The following KSR1 variants were observed in gnomAD, a reference collection of about 807,000 sequenced individuals.
KSR1 encodes the protein kinase suppressor of ras.
KSR1 carries 35 observed loss-of-function variants against 92.9 expected under a neutral mutation model. The ratio of observed to expected loss-of-function variants is 0.38; its 90% CI spans 0.29 to 0.50. KSR1 has a LOEUF of 0.50. KSR1 is among the 20% of genes least tolerant of loss of function. The probability of loss-of-function intolerance (pLI) is 0.94; values close to 1 mark genes in which losing one functional copy is unlikely to be tolerated. For synonymous variants in KSR1, 467 were observed against 472.6 expected, an observed-to-expected ratio of 0.99 and a Z score of 0.15; for missense variants, 972 against 1,158.5, an observed-to-expected ratio of 0.84 and a Z score of 2.34.
At chr17:27,568,199 C>T (rs1489934696) in intron 2 of KSR1, among the ~76,000 whole-genome samples, 1 of 152,176 alleles carries the variant, frequency 6.6e-6, no homozygotes, top group Non-Finnish European at 1.5e-5. Flanking sequence ...GGGGCAGCTC[C>T]AAAACCCGAC....
intron 1 of KSR1, among the ~76,000 whole-genome samples, chr17:27,542,062 G>A (rs910109769): frequency 3.9e-5 from 6 of 152,204 alleles, no homozygotes; most frequent in Non-Finnish European, 7.3e-5. Flanking sequence ...TTTGTGGAGG[G>A]AATGATGTGC....
chr17:27,511,232 G>T (rs1431518366), intron 1 of KSR1, among the ~76,000 whole-genome samples: 1 of 152,230 alleles, frequency 6.6e-6, no homozygotes, highest in Non-Finnish European at 1.5e-5. Flanking sequence ...GGGGACGCCT[G>T]GCTGGGGCTG....
chr17:27,602,091 G>C, intron 11 of KSR1: 1 of 639,484 alleles, frequency 1.6e-6, no homozygotes, highest in Non-Finnish European at 2.8e-6. Context: ...GAGCATAATG[G>C]TGTTTAAAAC....
chr17:27,552,817 G>A (rs936821503), intron 2 of KSR1, among the ~76,000 whole-genome samples: 4 of 152,218 alleles, frequency 2.6e-5, no homozygotes, highest in Non-Finnish European at 5.9e-5. Context: ...GGGTCCTGGG[G>A]CCCCTGAGAG....
intron 9 of KSR1, among the ~76,000 whole-genome samples, chr17:27,596,614 C>T (rs773383577): frequency 2.6e-5 from 4 of 152,120 alleles, no homozygotes; most frequent in Non-Finnish European, 4.4e-5. Context: ...AATGGCAGAC[C>T]GCACTAGCCC....
chr17:27,588,292 C>G (rs2073042108), intron 5 of KSR1, 183 bp from the exon 6 acceptor site: 1 of 436,794 alleles, frequency 2.3e-6, no homozygotes, highest in Admixed American at 4.2e-5. Context: ...GCGAGGGGAA[C>G]CACACCATGC....
chr17:27,492,147 G>A lies in KSR1; in HGVS notation c.231+35273G>A, dbSNP rs139521935. On this transcript the variant is annotated intron_variant, in intron 1 of 20. Transcript: ENST00000644974. Reference sequence around the variant, plus strand: ...TGGGAGGAGGGAGGAGACGAGGAGAGTGTGTGTAGCAGATACGAGTGGGTG... The same window carrying A: ...TGGGAGGAGGGAGGAGACGAGGAGAATGTGTGTAGCAGATACGAGTGGGTG... Among the ~76,000 whole-genome samples, 17 of 152,206 alleles carry A rather than the reference G, an allele frequency of 1.1e-4. No homozygotes were observed. In the East Asian group the frequency reaches 2.9e-3, roughly 26 times the overall value.
At chr17:27,610,300 C>T in intron 17 of KSR1, 102 bp downstream of exon 17, 1 of 1,513,706 alleles carries the variant, frequency 6.6e-7, no homozygotes. Context: ...GTTGAAAACC[C>T]AGGCTCTGGA....
chr17:27,463,917 C>A (rs1479249241), intron 1 of KSR1, among the ~76,000 whole-genome samples: 2 of 152,130 alleles, frequency 1.3e-5, no homozygotes, highest in African/African-American at 2.4e-5. Context: ...CTTGGAATTT[C>A]CATGTGGTCC....
chr17:27,508,574 C>G (rs2150996281), intron 1 of KSR1, among the ~76,000 whole-genome samples: 1 of 152,214 alleles, frequency 6.6e-6, no homozygotes, highest in South Asian at 2.1e-4. Context: ...TCTCTCCAAC[C>G]CTCAGTTTCC....
At chr17:27,514,921 C>G (rs1459117805) in intron 1 of KSR1, among the ~76,000 whole-genome samples, 2 of 152,190 alleles carry the variant, frequency 1.3e-5, no homozygotes, top group Non-Finnish European at 2.9e-5. Context: ...AACTAACTTT[C>G]TGGAAGTACC....
At chr17:27,604,128 G>A (rs2073666129) in intron 12 of KSR1, among the ~76,000 whole-genome samples, 1 of 152,178 alleles carries the variant, frequency 6.6e-6, no homozygotes. Flanking sequence ...GACCCAGGCG[G>A]GTTGGATAGA....
chr17:27,550,054 A>T (rs2945389), intron 1 of KSR1, among the ~76,000 whole-genome samples: 68,082 of 151,850 alleles, frequency 0.45, 15,464 homozygotes, highest in African/African-American at 0.51. Flanking sequence ...CTTCTTTTTT[A>T]CCCGAGACAG....
At chr17:27,621,020 A>C (rs1156665257) in intron 19 of KSR1, 173 bp from the exon 20 acceptor site, 4 of 393,894 alleles carry the variant, frequency 1.0e-5, no homozygotes, top group Admixed American at 4.4e-5. Context: ...TTTTCTTTCC[A>C]TTGATCTTGT....
At chr17:27,567,141 T>G (rs2072107894) in intron 2 of KSR1, among the ~76,000 whole-genome samples, 2 of 152,210 alleles carry the variant, frequency 1.3e-5, no homozygotes, top group Non-Finnish European at 2.9e-5. Flanking sequence ...CCAATAGTTG[T>G]TATTTTTATG....
chr17:27,532,679 GA>G (rs1326018119), intron 1 of KSR1, among the ~76,000 whole-genome samples: 5 of 152,204 alleles, frequency 3.3e-5, no homozygotes, highest in Non-Finnish European at 7.3e-5. Context: ...ACTGTGCTAG[GA>G]AAGAGGTTGG....
chr17:27,456,477 G>T lies in KSR1; in HGVS notation c.-167G>T. On this transcript the variant is annotated 5_prime_UTR_variant, in exon 1 of 21. Transcript: ENST00000644974. ...CCGCGGCTTTCGCTTTGCTGCCGCG[G>T]CTGGGAGGGTGGAAGCGGCAGACTC... The T allele has an allele frequency of 2.6e-6, 1 of 388,586 alleles. No individual in the cohort carries two copies. Among genetic ancestry groups the T allele is most frequent in the East Asian group, 3.9e-5 (1 of 25,614 alleles). 24.1% of individuals were successfully genotyped at this position (388,586 alleles called of 1,614,324 possible).
Position 27,509,258 on chromosome 17 carries a change from C to G in KSR1, c.232-41310C>G, listed in dbSNP as rs1773881708. On this transcript the variant is annotated intron_variant, in intron 1 of 20. Transcript: ENST00000644974. Reference sequence around the variant, plus strand: ...GGGTGCAGTGGCTCATGCCTGTAATCCTAGCACTTTGGGAGGCTGAGTCAG... The same window carrying G: ...GGGTGCAGTGGCTCATGCCTGTAATGCTAGCACTTTGGGAGGCTGAGTCAG... 2.0e-5 allele frequency among the ~76,000 whole-genome samples: 3 copies of G among 151,978 alleles called. No individual in the cohort carries two copies. In the South Asian group the frequency reaches 6.2e-4, roughly 32 times the overall value.
chr17:27,515,095 A>G (rs576709990), intron 1 of KSR1, among the ~76,000 whole-genome samples: 1 of 152,352 alleles, frequency 6.6e-6, no homozygotes, highest in East Asian at 1.9e-4. Flanking sequence ...GGCAGCTAAC[A>G]GCAGGTGCCA....
Sources: allele counts gnomAD v4.1 joint callset (sites outside exome capture counted in the v4.1 genomes callset), GRCh38; gene constraint gnomAD v4.1.1; transcripts MANE v1.5; gene names NCBI Gene and HGNC (gene_info 2026-07-23, HGNC 2026-07-21).